HCN1: variants seen among roughly 807,000 people sequenced by gnomAD.
HCN1 encodes the protein hyperpolarization activated cyclic nucleotide gated potassium channel 1.
HCN1 carries 13 observed loss-of-function variants against 78.9 expected under a neutral mutation model. The ratio of observed to expected loss-of-function variants is 0.16; its 90% CI spans 0.11 to 0.26. The LOEUF (loss-of-function observed/expected upper bound fraction) is 0.26, where lower values mean the gene tolerates loss of function less well. Among genes scored for constraint, HCN1 ranks in the 10% least tolerant of loss-of-function variants. The pLI is 1.00. For synonymous variants in HCN1, 552 were observed against 455.5 expected, an observed-to-expected ratio of 1.21 and a Z score of -2.70; for missense variants, 810 against 1,154.3, an observed-to-expected ratio of 0.70 and a Z score of 4.32.
Position 45,411,160 on chromosome 5 carries a change from G to A in HCN1, c.1012-14450C>T, listed in dbSNP as rs1350897883. On this transcript the variant is annotated intron_variant, in intron 3 of 7. Coordinates refer to ENST00000303230, the MANE Select transcript of HCN1 (RefSeq NM_021072.4). The stretch of plus-strand genomic sequence containing the variant: ...TCTCTGTGTGTGTACATTGGGGTGA[G>A]GGCATGAGGAAGAGTTGGGGAGAGA... Among the ~76,000 whole-genome samples, 4 of 152,054 alleles carry A rather than the reference G, an allele frequency of 2.6e-5. No individual in the cohort carries two copies. In the East Asian group the frequency reaches 7.7e-4, roughly 29 times the overall value.
At chr5:45,599,140 C>G (rs1274481890) in intron 2 of HCN1, among the ~76,000 whole-genome samples, 4 of 152,026 alleles carry the variant, frequency 2.6e-5, no homozygotes, top group Non-Finnish European at 5.9e-5. Flanking sequence ...TTCACAATAG[C>G]AAAGACTTGG....
chr5:45,278,031 G>A (rs1032991975), intron 6 of HCN1, among the ~76,000 whole-genome samples: 2 of 151,948 alleles, frequency 1.3e-5, no homozygotes, highest in East Asian at 3.9e-4. Context: ...TTTTCTTCCT[G>A]TGATCCCTTA....
chr5:45,449,956 C>T (rs1276954597), intron 3 of HCN1, among the ~76,000 whole-genome samples: 1 of 152,144 alleles, frequency 6.6e-6, no homozygotes, highest in African/African-American at 2.4e-5. Context: ...CCTCAGCCTC[C>T]CGAGTACGTG....
intron 5 of HCN1, among the ~76,000 whole-genome samples, chr5:45,323,524 T>C (rs555285308): frequency 6.6e-6 from 1 of 152,024 alleles, no homozygotes; most frequent in Non-Finnish European, 1.5e-5. Flanking sequence ...TTAGAAAGAA[T>C]TCAACAAGAC....
At chr5:45,547,416 T>C (rs1487435059) in intron 2 of HCN1, among the ~76,000 whole-genome samples, 2 of 151,942 alleles carry the variant, frequency 1.3e-5, no homozygotes, top group Non-Finnish European at 2.9e-5. Flanking sequence ...CAGAAAATAC[T>C]AGCGGAGAGA....
chr5:45,608,357 A>ATGTGTGTGTGTGTGTGTGTG (rs397970171), intron 2 of HCN1, among the ~76,000 whole-genome samples: 13 of 140,512 alleles, frequency 9.3e-5, no homozygotes, highest in Admixed American at 2.1e-4. Flanking sequence ...GGATGGGTGT[A>ATGTGTGTGTGTGTGTGTGTG]TGTGTGTGTG....
intron 3 of HCN1, among the ~76,000 whole-genome samples, chr5:45,437,073 T>C (rs925508543): frequency 5.3e-5 from 8 of 152,324 alleles, no homozygotes; most frequent in African/African-American, 1.9e-4. Context: ...GGCAAGTCAG[T>C]ATCAGATTCG....
In HCN1 at chr5:45,376,786, A is replaced by T. The variant is rs145760897; in HGVS notation, c.1230+19706T>A. Among the ~76,000 whole-genome samples, 84 of 151,822 alleles carry T rather than the reference A, an allele frequency of 5.5e-4. 1 individual carries two copies. Among genetic ancestry groups the T allele is most frequent in the African/African-American group, 1.8e-3 (75 of 41,322 alleles). On this transcript the variant is annotated intron_variant, in intron 4 of 7. Coordinates refer to ENST00000303230, the MANE Select transcript of HCN1 (RefSeq NM_021072.4). Reference sequence around the variant, plus strand: ...CTGAACCATGTATTTTATACATAGAACACATGCTCACTTTTTTTCTGTGAA... The same window carrying T: ...CTGAACCATGTATTTTATACATAGATCACATGCTCACTTTTTTTCTGTGAA...
intron 2 of HCN1, among the ~76,000 whole-genome samples, chr5:45,475,472 C>A (rs1741493122): frequency 6.6e-6 from 1 of 152,108 alleles, no homozygotes; most frequent in East Asian, 1.9e-4. Flanking sequence ...AGCTAATGGG[C>A]TAACTCTGTA....
chr5:45,550,975 G>A (rs973895371), intron 2 of HCN1, among the ~76,000 whole-genome samples: 2 of 151,858 alleles, frequency 1.3e-5, no homozygotes, highest in South Asian at 2.1e-4. Flanking sequence ...AGAGAAAACC[G>A]ATCATACTAT....
chr5:45,279,510 G>A (rs1251939423), intron 6 of HCN1, among the ~76,000 whole-genome samples: 1 of 152,076 alleles, frequency 6.6e-6, no homozygotes, highest in Non-Finnish European at 1.5e-5. Flanking sequence ...CCTATATTTT[G>A]TTAATGTTTT....
intron 6 of HCN1, among the ~76,000 whole-genome samples, chr5:45,281,744 C>T (rs531233024): frequency 8.6e-5 from 13 of 151,736 alleles, no homozygotes; most frequent in East Asian, 7.8e-4. Context: ...CCCGCCACCA[C>T]GCCCGGGGGC....
intron 6 of HCN1, among the ~76,000 whole-genome samples, chr5:45,284,745 T>C (rs568185779): frequency 6.6e-6 from 1 of 152,230 alleles, no homozygotes; most frequent in East Asian, 1.9e-4. Context: ...ATGTAGGCCA[T>C]ATGGCAGTTT....
At chr5:45,336,387 T>C (rs1455040767) in intron 5 of HCN1, among the ~76,000 whole-genome samples, 1 of 152,120 alleles carries the variant, frequency 6.6e-6, no homozygotes, top group Non-Finnish European at 1.5e-5. Context: ...CCAAGTATTT[T>C]AGTGCACAGT....
At chr5:45,347,879 C>A (rs939752346) in intron 5 of HCN1, among the ~76,000 whole-genome samples, 1 of 152,294 alleles carries the variant, frequency 6.6e-6, no homozygotes, top group South Asian at 2.1e-4. Context: ...AAGACCAAAT[C>A]TACGTCTGAT....
chr5:45,447,970 CA>C (rs1210612069), intron 3 of HCN1, among the ~76,000 whole-genome samples: 1 of 151,794 alleles, frequency 6.6e-6, no homozygotes, highest in Admixed American at 6.6e-5. Flanking sequence ...CCACGCAACA[CA>C]AAAGAGAACA....
intron 2 of HCN1, among the ~76,000 whole-genome samples, chr5:45,578,041 T>C (rs972327513): frequency 1.6e-4 from 24 of 152,084 alleles, no homozygotes; most frequent in Non-Finnish European, 3.4e-4. Flanking sequence ...CTATGATTGA[T>C]GACAGCAGAG....
At chr5:45,635,557 CT>C (rs768780692) in intron 2 of HCN1, among the ~76,000 whole-genome samples, 14 of 152,094 alleles carry the variant, frequency 9.2e-5, no homozygotes, top group Non-Finnish European at 1.9e-4. Context: ...TCTACTTTCA[CT>C]TTAAAATGTA....
intron 1 of HCN1, among the ~76,000 whole-genome samples, chr5:45,690,700 T>G (rs1739894101): frequency 6.6e-6 from 1 of 152,048 alleles, no homozygotes; most frequent in African/African-American, 2.4e-5. Flanking sequence ...ACTTTTTTCT[T>G]TATTATCACT....
Sources: allele counts gnomAD v4.1 joint callset (sites outside exome capture counted in the v4.1 genomes callset), GRCh38; gene constraint gnomAD v4.1.1; transcripts MANE v1.5; gene names NCBI Gene and HGNC (gene_info 2026-07-23, HGNC 2026-07-21).